NRG3: variants seen among roughly 807,000 people sequenced by gnomAD.
NRG3 encodes neuregulin 3.
In NRG3, 31 loss-of-function variants were observed where a neutral mutation model predicts 66.9. The observed-to-expected ratio is 0.46, with a 90% CI of 0.35 to 0.63. NRG3 has a LOEUF of 0.63. Ranked by LOEUF, NRG3 falls within the 20% of genes least tolerant of loss-of-function variation. The probability of loss-of-function intolerance (pLI) is 0.00; values close to 1 mark genes in which losing one functional copy is unlikely to be tolerated. For missense variants in NRG3, 910 were observed against 878.9 expected, an observed-to-expected ratio of 1.04 and a Z score of -0.45; for synonymous variants, 393 against 359.4, an observed-to-expected ratio of 1.09 and a Z score of -1.06.
intron 2 of NRG3, among the ~76,000 whole-genome samples, chr10:82,588,534 GCT>G (rs1177696902): frequency 1.3e-5 from 2 of 151,434 alleles, no homozygotes; most frequent in African/African-American, 2.4e-5. Flanking sequence ...ATGGAGTCTC[GCT>G]CTGTCGCCCA....
At chr10:82,278,038 A>G (rs1295578815) in intron 1 of NRG3, among the ~76,000 whole-genome samples, 1 of 152,096 alleles carries the variant, frequency 6.6e-6, no homozygotes, top group African/African-American at 2.4e-5. Flanking sequence ...GAGGCCAAAG[A>G]AGGAGGAGGT....
chr10:82,522,836 T>TA (rs1846329791), intron 2 of NRG3, among the ~76,000 whole-genome samples: 1 of 152,204 alleles, frequency 6.6e-6, no homozygotes, highest in Non-Finnish European at 1.5e-5. Context: ...TAGTTTTTAG[T>TA]AAAAACAAAT....
chr10:82,686,451 G>C lies in NRG3; in HGVS notation c.954-52126G>C, dbSNP rs371325432. 7.2e-5 allele frequency among the ~76,000 whole-genome samples: 11 copies of C among 152,218 alleles called. No homozygotes were observed. In the East Asian group the frequency reaches 1.9e-3, roughly 27 times the overall value. On this transcript the variant is annotated intron_variant, in intron 2 of 8. Coordinates refer to ENST00000372141, the MANE Select transcript of NRG3 (RefSeq NM_001010848.4). The stretch of plus-strand genomic sequence containing the variant: ...GATCCACCCACCTCAGCCCCCCAAA[G>C]TGCTGGGATTATAGGCACGAGCCAC...
intron 1 of NRG3, among the ~76,000 whole-genome samples, chr10:82,030,701 A>AG (rs1474938543): frequency 7.2e-6 from 1 of 138,416 alleles, no homozygotes; most frequent in Non-Finnish European, 1.5e-5. Flanking sequence ...CTAATTTGGA[A>AG]AAAAAAAAAA....
chr10:82,857,127 C>T (rs1591743885), intron 3 of NRG3, among the ~76,000 whole-genome samples: 1 of 152,180 alleles, frequency 6.6e-6, no homozygotes, highest in Non-Finnish European at 1.5e-5. Context: ...ATGATCTCTC[C>T]TTAACCTCAG....
intron 2 of NRG3, among the ~76,000 whole-genome samples, chr10:82,549,811 G>T (rs1663324570): frequency 6.6e-6 from 1 of 151,408 alleles, no homozygotes; most frequent in African/African-American, 2.4e-5. Flanking sequence ...GGTGATGCTT[G>T]GGTGCCAATA....
chr10:82,224,116 T>C (rs1335497123), intron 1 of NRG3: 6 of 152,228 alleles, frequency 3.9e-5, no homozygotes, highest in Admixed American at 3.9e-4. Context: ...GGGACAATTG[T>C]GTATTTATTT....
intron 2 of NRG3, among the ~76,000 whole-genome samples, chr10:82,362,554 T>TTTTTTTTTTTTTG (rs1363151344): frequency 7.0e-6 from 1 of 143,544 alleles, no homozygotes; most frequent in Non-Finnish European, 1.5e-5. Flanking sequence ...CTGGGTTTTT[T>TTTTTTTTTTTTTG]TTTTTTTTTT....
chr10:82,690,208 G>A (rs1425328720), intron 2 of NRG3, among the ~76,000 whole-genome samples: 1 of 151,774 alleles, frequency 6.6e-6, no homozygotes, highest in Admixed American at 6.6e-5. Flanking sequence ...ATGCCTATAT[G>A]AAGAATCTCA....
At chr10:82,359,659 G>A (rs936169583) in intron 2 of NRG3, among the ~76,000 whole-genome samples, 8 of 152,058 alleles carry the variant, frequency 5.3e-5, no homozygotes, top group East Asian at 1.9e-4. Flanking sequence ...TATTACCCTG[G>A]TAATTTGTTT....
intron 1 of NRG3, among the ~76,000 whole-genome samples, chr10:81,997,652 C>T (rs1458888957): frequency 2.0e-5 from 3 of 151,964 alleles, no homozygotes; most frequent in Non-Finnish European, 4.4e-5. Context: ...ATGCATGTCA[C>T]AGGGCTTGGG....
intron 3 of NRG3, among the ~76,000 whole-genome samples, chr10:82,842,561 C>T (rs192513743): frequency 6.6e-6 from 1 of 152,164 alleles, no homozygotes; most frequent in East Asian, 1.9e-4. Flanking sequence ...ACATCATAAC[C>T]CTGTCTTTGC....
At chr10:82,394,994 G>A (rs762344434) in intron 2 of NRG3, among the ~76,000 whole-genome samples, 4 of 152,070 alleles carry the variant, frequency 2.6e-5, no homozygotes, top group Non-Finnish European at 5.9e-5. Flanking sequence ...TTTTTGATTT[G>A]GGGTTCAGAT....
At chr10:82,405,659 A>T (rs1248826098) in intron 2 of NRG3, among the ~76,000 whole-genome samples, 1 of 151,816 alleles carries the variant, frequency 6.6e-6, no homozygotes. Flanking sequence ...GTAGAAACGG[A>T]ATTTTGCCAT....
intron 2 of NRG3, among the ~76,000 whole-genome samples, chr10:82,595,990 G>A (rs1432653799): frequency 6.6e-6 from 1 of 152,022 alleles, no homozygotes; most frequent in Non-Finnish European, 1.5e-5. Context: ...GATTGTTTCT[G>A]GCATAGAAGG....
intron 2 of NRG3, among the ~76,000 whole-genome samples, chr10:82,424,293 A>G (rs924491784): frequency 6.6e-6 from 1 of 151,938 alleles, no homozygotes; most frequent in Admixed American, 6.6e-5. Context: ...CAATTTCTCT[A>G]TATCTTCATC....
chr10:81,984,923 G>C (rs1418647103), intron 1 of NRG3, among the ~76,000 whole-genome samples: 1 of 152,076 alleles, frequency 6.6e-6, no homozygotes, highest in Non-Finnish European at 1.5e-5. Context: ...AATACAAAAC[G>C]GTGTTTTCAA....
intron 1 of NRG3, among the ~76,000 whole-genome samples, chr10:82,069,159 T>G (rs1232449337): frequency 6.6e-6 from 1 of 152,130 alleles, no homozygotes; most frequent in African/African-American, 2.4e-5. Context: ...AATAGCAGCT[T>G]AGATGGCTGT....
chr10:82,018,112 T>A (rs1367462184), intron 1 of NRG3, among the ~76,000 whole-genome samples: 1 of 152,192 alleles, frequency 6.6e-6, no homozygotes, highest in Non-Finnish European at 1.5e-5. Context: ...AATTTTTGTG[T>A]AAGGTGTAAG....
Sources: allele counts gnomAD v4.1 joint callset (sites outside exome capture counted in the v4.1 genomes callset), GRCh38; gene constraint gnomAD v4.1.1; transcripts MANE v1.5; gene names NCBI Gene and HGNC (gene_info 2026-07-23, HGNC 2026-07-21).